The following FEZ1 variants were observed in gnomAD, a reference collection of about 807,000 sequenced individuals.
FEZ1 encodes the protein fasciculation and elongation protein zeta-1.
Under a neutral mutation model 49.3 loss-of-function variants are expected in FEZ1, and 20 were observed. The ratio of observed to expected loss-of-function variants is 0.41; its 90% confidence interval spans 0.29 to 0.59. FEZ1 has a LOEUF of 0.59. Ranked by LOEUF, FEZ1 falls within the 20% of genes least tolerant of loss-of-function variation. The pLI, the probability that FEZ1 is intolerant of heterozygous loss-of-function variation, is 0.36. For synonymous variants in FEZ1, 170 were observed against 180.9 expected, an observed-to-expected ratio of 0.94 and a Z score of 0.48; for missense variants, 413 against 476.0, an observed-to-expected ratio of 0.87 and a Z score of 1.23.
intron 8 of FEZ1, among the ~76,000 whole-genome samples, chr11:125,449,417 T>TAAAA (rs35920814): frequency 0.013 from 337 of 26,566 alleles, 23 homozygotes; most frequent in East Asian, 0.038. Flanking sequence ...TTTGTCTCTA[T>TAAAA]AAAAAAAAAA....
intron 4 of FEZ1, among the ~76,000 whole-genome samples, chr11:125,461,761 A>G (rs920675176): frequency 6.6e-6 from 1 of 152,238 alleles, no homozygotes. Context: ...CGAGGCCAGC[A>G]TTGTACTCTT....
chr11:125,457,403 T>TTAA (rs1370067173), intron 5 of FEZ1, among the ~76,000 whole-genome samples: 1 of 35,108 alleles, frequency 2.8e-5, no homozygotes, highest in African/African-American at 1.0e-4. Context: ...GTTTCTACTT[T>TTAA]AAAAAAAAAA....
In FEZ1 at chr11:125,455,913, C is replaced by T; in HGVS notation, c.861G>A (p.Leu287=). The change falls in exon 6 of 10, where the codon CTG becomes CTA. Residue 287 remains leucine (L), a synonymous_variant. Transcript: ENST00000278919. The stretch of plus-strand genomic sequence containing the variant: ...CTTTCTCTTTCCGCCTCTTTTTCAT[C>T]AGTTCTCGCTGCTCCTTCTGCTTGT... ...VQNKQKEQRE[L]MKKRRKEKGL... The T allele has an allele frequency of 6.2e-7, 1 of 1,613,610 alleles. No individual in the cohort carries two copies. The highest frequency in any genetic ancestry group is 8.5e-7 in the Non-Finnish European group (1 of 1,179,960).
chr11:125,487,026 T>C (rs936256040), intron 2 of FEZ1, among the ~76,000 whole-genome samples: 2 of 152,208 alleles, frequency 1.3e-5, no homozygotes, highest in African/African-American at 4.8e-5. Context: ...ATTCAATCTT[T>C]GGTCTCTTAA....
intron 3 of FEZ1, among the ~76,000 whole-genome samples, chr11:125,466,999 TAA>T (rs1199293943): frequency 6.6e-5 from 9 of 136,630 alleles, no homozygotes; most frequent in Admixed American, 1.5e-4. Context: ...AGACAAAAAG[TAA>T]AAAAAAAAAA....
Position 125,454,277 on chromosome 11 carries a change from T to C in FEZ1, c.940-67A>G, listed in dbSNP as rs1956986404. On this transcript the variant is annotated intron_variant, in intron 6 of 9. Transcript: ENST00000278919. ...TACACTGTCACCACACCCAGGGACCTCTCAGCTACCAGGCTGTCCCAGATA... is the reference window on the plus strand; with the variant it reads ...TACACTGTCACCACACCCAGGGACCCCTCAGCTACCAGGCTGTCCCAGATA... The C allele has an allele frequency of 2.4e-6, 3 of 1,245,256 alleles. No individual in the cohort carries two copies. In the South Asian group the frequency reaches 3.9e-5, roughly 16 times the overall value. The allele number at this position is 1,245,256 out of a possible 1,614,324, so 77.1% of individuals were successfully genotyped here.
chr11:125,452,733 T>C (rs1201798203), intron 7 of FEZ1: 3 of 256,080 alleles, frequency 1.2e-5, no homozygotes, highest in Non-Finnish European at 1.5e-5. Flanking sequence ...ATTTTCTTAT[T>C]CTTTGCAGTG....
intron 3 of FEZ1, among the ~76,000 whole-genome samples, chr11:125,475,715 A>G (rs917957826): frequency 1.3e-5 from 2 of 152,086 alleles, no homozygotes; most frequent in Admixed American, 1.3e-4. Context: ...AAACCTGCAC[A>G]TGTACCCCTG....
intron 8 of FEZ1, 32 bp from the exon 9 acceptor site, chr11:125,448,599 T>C (rs768038385): frequency 1.4e-6 from 2 of 1,446,456 alleles, no homozygotes; most frequent in Non-Finnish European, 1.9e-6. Context: ...GGAACTAAGA[T>C]ACCATCTGGT....
intron 3 of FEZ1, among the ~76,000 whole-genome samples, chr11:125,471,673 A>G (rs555708103): frequency 2.0e-4 from 31 of 152,272 alleles, no homozygotes; most frequent in African/African-American, 7.5e-4. Context: ...ATGGTTGGAG[A>G]TTTTAATAAA....
chr11:125,464,767 G>A (rs774046339), intron 3 of FEZ1, among the ~76,000 whole-genome samples: 4 of 152,046 alleles, frequency 2.6e-5, no homozygotes, highest in Non-Finnish European at 5.9e-5. Context: ...AATGCCATCC[G>A]CACTCAACCT....
intron 3 of FEZ1, among the ~76,000 whole-genome samples, chr11:125,467,513 C>A (rs1380433453): frequency 6.6e-6 from 1 of 152,194 alleles, no homozygotes; most frequent in Non-Finnish European, 1.5e-5. Flanking sequence ...CATCTAGATT[C>A]AGTCCACTTC....
intron 9 of FEZ1, among the ~76,000 whole-genome samples, chr11:125,447,993 A>G (rs1956913589): frequency 6.6e-6 from 1 of 152,188 alleles, no homozygotes; most frequent in Non-Finnish European, 1.5e-5. Flanking sequence ...GAAGTTGGGT[A>G]GAGGCGTAAA....
rs1296263105 is a variant in FEZ1 at position 125,444,315 on chromosome 11, G to A, written c.*1780C>T. Among the ~76,000 whole-genome samples the A allele has an allele frequency of 6.6e-6, 1 of 152,182 alleles. No homozygotes were observed. The highest frequency in any genetic ancestry group is 1.5e-5 in the Non-Finnish European group (1 of 68,036). On this transcript the variant is annotated 3_prime_UTR_variant, in exon 10 of 10. Coordinates refer to ENST00000278919, the MANE Select transcript of FEZ1 (RefSeq NM_005103.5). ...AAAAGCAGAAGCCGAGCTAGGCGCG[G>A]TGACTCACGCCTATAATCCCAGCAC...
At position 125,488,721 on chromosome 11, in the gene FEZ1, C is replaced by T. The variant is rs115248429; in HGVS notation, c.311+746G>A. ...AAACAAAACAAAAAAACACATCCCC[C>T]GAGGATAGCGGGGAACCACTGAATT... On this transcript the variant is annotated intron_variant, in intron 2 of 9. Transcript: ENST00000278919. 1.7e-3 allele frequency: 1,632 copies of T among 985,160 alleles called. 21 individuals carry two copies. The African/African-American group carries it at 0.023, about 14-fold the overall frequency. 61.0% of individuals were successfully genotyped at this position (985,160 alleles called of 1,614,324 possible). A position where few individuals can be genotyped will look rare whatever the true frequency, so the allele number is the denominator to read the frequency against.
chr11:125,494,477 C>A (rs150197222), intron 1 of FEZ1, among the ~76,000 whole-genome samples: 1 of 152,326 alleles, frequency 6.6e-6, no homozygotes, highest in African/African-American at 2.4e-5. Flanking sequence ...TGGGAGCCTT[C>A]TTTTCCTTAA....
rs184476273 is a variant in FEZ1 at position 125,488,051 on chromosome 11, T to C, written c.311+1416A>G. On this transcript the variant is annotated intron_variant, in intron 2 of 9. Coordinates refer to ENST00000278919, the MANE Select transcript of FEZ1 (RefSeq NM_005103.5). The stretch of plus-strand genomic sequence containing the variant: ...CTGACGTTTGACATTTCTTGTGTGA[T>C]AGCTAAGAACAATGGATGCATATTG... Among the ~76,000 whole-genome samples, 422 of 144,312 alleles carry C rather than the reference T, an allele frequency of 2.9e-3. 3 individuals are homozygous for C. The highest frequency in any genetic ancestry group is 7.0e-3 in the Middle Eastern group (2 of 284). The allele number at this position is 144,312 out of a possible 152,430, so 94.7% of individuals were successfully genotyped here. A position where few individuals can be genotyped will look rare whatever the true frequency, so the allele number is the denominator to read the frequency against.
chr11:125,456,989 G>A (rs1378099959), intron 5 of FEZ1, among the ~76,000 whole-genome samples: 1 of 151,876 alleles, frequency 6.6e-6, no homozygotes, highest in African/African-American at 2.4e-5. Flanking sequence ...TTCGAAAACA[G>A]CCTGGCCAGC....
At chr11:125,459,635 C>A (rs561501220) in intron 5 of FEZ1, among the ~76,000 whole-genome samples, 52 of 152,262 alleles carry the variant, frequency 3.4e-4, no homozygotes, top group African/African-American at 1.2e-3. Flanking sequence ...AAATAGTTTT[C>A]TTTCTCACCT....
Sources: allele counts gnomAD v4.1 joint callset (sites outside exome capture counted in the v4.1 genomes callset), GRCh38; gene constraint gnomAD v4.1.1; transcripts MANE v1.5; gene names NCBI Gene and HGNC (gene_info 2026-07-23, HGNC 2026-07-21).